The following COLEC12 variants were observed in gnomAD, a reference collection of about 807,000 sequenced individuals.
COLEC12 encodes collectin subfamily member 12, also known as collectin-12.
COLEC12 carries 33 observed loss-of-function variants against 71.1 expected under a neutral mutation model. The observed-to-expected ratio is 0.46, with a 90% CI of 0.35 to 0.62. The LOEUF is 0.62. Among genes scored for constraint, COLEC12 ranks in the 20% least tolerant of loss-of-function variants. The pLI is 0.00. For synonymous variants in COLEC12, 350 were observed against 353.0 expected (o/e 0.99, Z 0.10); for missense variants, 765 against 916.1 (o/e 0.84, Z 2.13).
intron 2 of COLEC12, among the ~76,000 whole-genome samples, chr18:471,717 T>C (rs1226089022): frequency 6.6e-6 from 1 of 151,608 alleles, no homozygotes; most frequent in Non-Finnish European, 1.5e-5. Context: ...ATTTGAAATA[T>C]AATGATATTA....
At chr18:402,855 G>GA (rs1381534710) in intron 2 of COLEC12, among the ~76,000 whole-genome samples, 2 of 152,066 alleles carry the variant, frequency 1.3e-5, no homozygotes, top group African/African-American at 4.8e-5. Flanking sequence ...CTCTCAGGAA[G>GA]AGTCAGTGTC....
intron 1 of COLEC12, among the ~76,000 whole-genome samples, chr18:482,768 C>T (rs559597514): frequency 9.2e-5 from 14 of 152,040 alleles, no homozygotes; most frequent in East Asian, 2.0e-4. Flanking sequence ...CCCACTACCA[C>T]GCCCAGCTAA....
intron 2 of COLEC12, among the ~76,000 whole-genome samples, chr18:370,148 A>G (rs1215987752): frequency 1.3e-5 from 2 of 152,250 alleles, no homozygotes; most frequent in African/African-American, 4.8e-5. Context: ...TGAGCCATTC[A>G]CAGTGCAGGC....
In COLEC12 at chr18:398,090, G is replaced by A. The variant is rs139347067; in HGVS notation, c.59-40568C>T. Among the ~76,000 whole-genome samples the A allele has an allele frequency of 8.9e-4, 135 of 152,236 alleles. 1 individual carries two copies. Among genetic ancestry groups the A allele is most frequent in the African/African-American group, 3.2e-3 (134 of 41,536 alleles). ...AAACACAAAAAAACAGCAAAAAGCA[G>A]AACATGTCTTCATGCATCTTTGCCT... On this transcript the variant is annotated intron_variant, in intron 2 of 9. Coordinates refer to ENST00000400256, the MANE Select transcript of COLEC12 (RefSeq NM_130386.3).
At chr18:400,166 T>C (rs1021553770) in intron 2 of COLEC12, among the ~76,000 whole-genome samples, 19 of 152,272 alleles carry the variant, frequency 1.2e-4, no homozygotes, top group Middle Eastern at 3.4e-3. Context: ...GAAAGGGTCC[T>C]GAAAAATTCT....
At chr18:421,143 T>C (rs1230071821) in intron 2 of COLEC12, among the ~76,000 whole-genome samples, 1 of 152,228 alleles carries the variant, frequency 6.6e-6, no homozygotes, top group Non-Finnish European at 1.5e-5. Context: ...ACTGCTAAGT[T>C]GTGAAAACTC....
intron 2 of COLEC12, among the ~76,000 whole-genome samples, chr18:407,835 T>A (rs1037590752): frequency 6.6e-6 from 1 of 152,228 alleles, no homozygotes; most frequent in Non-Finnish European, 1.5e-5. Context: ...CAATCCTGGC[T>A]GCACATCAGA....
chr18:494,586 T>C (rs946028999), intron 1 of COLEC12, among the ~76,000 whole-genome samples: 12 of 152,210 alleles, frequency 7.9e-5, no homozygotes, highest in African/African-American at 2.2e-4. Context: ...ACAGAAATGA[T>C]TGGATTCAAC....
chr18:479,128 T>C (rs1334295064), intron 2 of COLEC12, among the ~76,000 whole-genome samples: 1 of 152,184 alleles, frequency 6.6e-6, no homozygotes, highest in East Asian at 1.9e-4. Context: ...ATTCCTATCT[T>C]TCTGTGTTTT....
intron 2 of COLEC12, among the ~76,000 whole-genome samples, chr18:476,590 C>CTA (rs1917309912): frequency 1.3e-5 from 2 of 152,182 alleles, no homozygotes; most frequent in South Asian, 4.1e-4. Flanking sequence ...AGCGCCCCCG[C>CTA]CCCAGTGCAG....
At chr18:377,863 C>A (rs947718074) in intron 2 of COLEC12, among the ~76,000 whole-genome samples, 7 of 151,862 alleles carry the variant, frequency 4.6e-5, no homozygotes, top group African/African-American at 1.7e-4. Flanking sequence ...TGGGCTGGAA[C>A]CTGGTGAGGA....
At chr18:349,250 CTCCAGCCAT>C (rs1325055677) in intron 3 of COLEC12, among the ~76,000 whole-genome samples, 5 of 152,250 alleles carry the variant, frequency 3.3e-5, no homozygotes, top group Non-Finnish European at 7.3e-5. Context: ...TTCCCAGCCA[CTCCAGCCAT>C]GGCTGAAAGG....
intron 5 of COLEC12, among the ~76,000 whole-genome samples, chr18:344,037 A>AGG: frequency 6.6e-6 from 1 of 152,378 alleles, no homozygotes; most frequent in South Asian, 2.1e-4. Context: ...ACTGAAGACA[A>AGG]GGTAACAATT....
intron 5 of COLEC12, among the ~76,000 whole-genome samples, chr18:337,126 C>T (rs1195553645): frequency 1.3e-5 from 2 of 152,114 alleles, no homozygotes; most frequent in Non-Finnish European, 2.9e-5. Context: ...CCCCATCGGA[C>T]TCTCCAAGTG....
chr18:490,839 G>A (rs946811583), intron 1 of COLEC12, among the ~76,000 whole-genome samples: 8 of 152,308 alleles, frequency 5.3e-5, no homozygotes, highest in Admixed American at 5.2e-4. Flanking sequence ...ATTTTTAGGA[G>A]CCAGCCTGAA....
chr18:373,692 T>C (rs888484974), intron 2 of COLEC12, among the ~76,000 whole-genome samples: 6 of 152,110 alleles, frequency 3.9e-5, no homozygotes, highest in Admixed American at 2.6e-4. Flanking sequence ...AATATTGTGA[T>C]AGAACCCCAG....
chr18:415,297 C>T (rs572460848), intron 2 of COLEC12, among the ~76,000 whole-genome samples: 10 of 152,316 alleles, frequency 6.6e-5, no homozygotes, highest in South Asian at 6.2e-4. Flanking sequence ...AACCGCAGAA[C>T]GAGGGCTCCT....
intron 2 of COLEC12, among the ~76,000 whole-genome samples, chr18:441,088 A>G (rs1171656200): frequency 1.1e-4 from 3 of 26,356 alleles, no homozygotes; most frequent in Non-Finnish European, 4.6e-4. Flanking sequence ...CTCTACTAAA[A>G]ATACAAAAAA....
At chr18:498,315 T>C (rs1917750459) in intron 1 of COLEC12, among the ~76,000 whole-genome samples, 1 of 151,386 alleles carries the variant, frequency 6.6e-6, no homozygotes, top group South Asian at 2.1e-4. Context: ...TAAATACAGA[T>C]TACGTGGTAA....
Sources: allele counts gnomAD v4.1 joint callset (sites outside exome capture counted in the v4.1 genomes callset), GRCh38; gene constraint gnomAD v4.1.1; transcripts MANE v1.5; gene names NCBI Gene and HGNC (gene_info 2026-07-23, HGNC 2026-07-21).